The following PRG2 variants were observed in gnomAD, a reference collection of about 807,000 sequenced individuals.
The protein encoded by PRG2 is proteoglycan 2, pro eosinophil major basic protein, also known as bone marrow proteoglycan.
A neutral mutation model predicts 24.7 loss-of-function variants in PRG2; 23 were observed. That is an observed-to-expected ratio of 0.93 (90% CI 0.67 to 1.32). PRG2 has a LOEUF of 1.32. Among genes scored for constraint, PRG2 ranks in the 40% most tolerant of loss-of-function variants. The pLI is 0.00. For missense variants in PRG2, 271 were observed against 280.9 expected (o/e 0.96, Z 0.25); for synonymous variants, 104 against 99.8 (o/e 1.04, Z -0.25).
At chr11:57,390,046 G>T in intron 1 of PRG2, 90 bp from the exon 2 acceptor site, 1 of 1,120,612 alleles carries the variant, frequency 8.9e-7, no homozygotes, top group South Asian at 1.6e-5. Flanking sequence ...GTGGGAGTGA[G>T]GTGGAGAAAA....
chr11:57,386,903 G>A lies in PRG2; in HGVS notation c.*572C>T, dbSNP rs1390480727. 2.0e-5 allele frequency: 3 copies of A among 152,312 alleles called. No homozygotes were observed. The highest frequency in any genetic ancestry group is 7.2e-5 in the African/African-American group (3 of 41,442). The allele number at this position is 152,312 out of a possible 1,614,324, so 9.4% of individuals were successfully genotyped here. A position where few individuals can be genotyped will look rare whatever the true frequency, so the allele number is the denominator to read the frequency against. On this transcript the variant is annotated 3_prime_UTR_variant, in exon 6 of 6. Transcript: ENST00000311862. ...GCCAACTACCACAGCAGGCCACTGG[G>A]AAATGGTGCCCAATACATGTTAGAT...
At chr11:57,390,015 C>T (rs111932870) in intron 1 of PRG2, 59 bp from the exon 2 acceptor site, 183 of 1,385,338 alleles carry the variant, frequency 1.3e-4, no homozygotes, top group Non-Finnish European at 1.6e-4. Context: ...ACACACATCA[C>T]AATCACACCA....
chr11:57,387,481 G>T lies in PRG2; in HGVS notation c.663C>A (p.Ser221=). 6.2e-7 allele frequency: 1 copy of T among 1,613,958 alleles called. No individual in the cohort carries two copies. The highest frequency in any genetic ancestry group is 1.3e-5 in the African/African-American group (1 of 75,032). Residue 221 remains serine (S), a synonymous_variant, in exon 6 of 6, where the codon TCC becomes TCA. Coordinates refer to ENST00000311862, the MANE Select transcript of PRG2 (RefSeq NM_002728.6). The part of the protein sequence containing the change: ...HCLRRLPFIC[S]Y ...ACTGCTGGCTGGGACCAGCTCAGTA[G>T]GAACAGATGAAAGGAAGTCTTCTGA...
Position 57,387,756 on chromosome 11 carries a change from CG to C in PRG2, c.607del (p.Arg203GlufsTer89), listed in dbSNP as rs761719960. 1.9e-6 allele frequency: 3 copies of C among 1,572,112 alleles called. No individual in the cohort carries two copies. Among genetic ancestry groups the C allele is most frequent in the Non-Finnish European group, 2.6e-6 (3 of 1,159,182 alleles). On this transcript the variant is annotated frameshift_variant, in exon 5 of 6. Coordinates refer to ENST00000311862, the MANE Select transcript of PRG2 (RefSeq NM_002728.6). LOFTEE classifies it low-confidence loss of function (END_TRUNC). ...RGGHCVALCT[R>X]GGHWRRAHCL... is the part of the protein sequence containing the mutation. ...GTTCATCCCCAGCCCCACCTCACCT[CG>C]GGTACACAGGGCCACGCAGTGACCA...
At chr11:57,390,513 C>T in intron 1 of PRG2, 83 bp downstream of exon 1, 1 of 906,830 alleles carries the variant, frequency 1.1e-6, no homozygotes, top group Non-Finnish European at 1.3e-6. Context: ...CCTGCCAGCC[C>T]TCCAGAAACT....
Position 57,389,097 on chromosome 11 carries a change from C to G in PRG2, c.279G>C (p.Glu93Asp). ...GGATGCCCACCACTTTTACTGTGTCCTCTTCCTCAGGACACGTAAGGTTTT... is the reference window on the plus strand; with the variant it reads ...GGATGCCCACCACTTTTACTGTGTCGTCTTCCTCAGGACACGTAAGGTTTT... Reference protein sequence around the residue: ...VDKNLTCPEEEDTVKVVGIPG... With the variant: ...VDKNLTCPEEDDTVKVVGIPG... Residue 93 changes from glutamate to aspartate, a missense_variant, in exon 3 of 6, where the codon GAG becomes GAC. By Grantham distance (45) the Glu-to-Asp change is conservative. Coordinates refer to ENST00000311862, the MANE Select transcript of PRG2 (RefSeq NM_002728.6). 1 of 1,614,208 alleles carries G rather than the reference C, an allele frequency of 6.2e-7. No homozygotes were observed. Among genetic ancestry groups the G allele is most frequent in the South Asian group, 1.1e-5 (1 of 91,084 alleles).
Position 57,389,139 on chromosome 11 carries a change from C to G in PRG2, c.237G>C (p.Val79=). 1 of 1,614,198 alleles carries G rather than the reference C, an allele frequency of 6.2e-7. No individual in the cohort carries two copies. Among genetic ancestry groups the G allele is most frequent in the Non-Finnish European group, 8.5e-7 (1 of 1,180,038 alleles). ...TAAGGTTTTTGTCCACCATATCTGG[C>G]ACTGAGATAGACTCAACAGCCCCAT... ...KKDGAVESIS[V]PDMVDKNLTC... The change falls in exon 3 of 6, where the codon GTG becomes GTC. Residue 79 remains valine (V), a synonymous_variant. Coordinates refer to ENST00000311862, the MANE Select transcript of PRG2 (RefSeq NM_002728.6).
chr11:57,387,619 C>T (rs1404607294), intron 5 of PRG2, 86 bp from the exon 6 acceptor site: 1 of 1,433,086 alleles, frequency 7.0e-7, no homozygotes, highest in African/African-American at 1.4e-5. Flanking sequence ...CACCCACACA[C>T]TGCTGTGGAG....
At chr11:57,388,869 C>A in intron 3 of PRG2, 141 bp downstream of exon 3, 1 of 1,420,918 alleles carries the variant, frequency 7.0e-7, no homozygotes, top group South Asian at 1.4e-5. Context: ...TCCCCTCTTA[C>A]CCCAACACCT....
At position 57,387,425 on chromosome 11, in the gene PRG2, G is replaced by C; in HGVS notation, c.*50C>G. 1 of 1,511,690 alleles carries C rather than the reference G, an allele frequency of 6.6e-7. No individual in the cohort carries two copies. Among genetic ancestry groups the C allele is most frequent in the Non-Finnish European group, 9.1e-7 (1 of 1,102,388 alleles). The allele number at this position is 1,511,690 out of a possible 1,614,324, so 93.6% of individuals were successfully genotyped here. A position where few individuals can be genotyped will look rare whatever the true frequency, so the allele number is the denominator to read the frequency against. On this transcript the variant is annotated 3_prime_UTR_variant, in exon 6 of 6. Transcript: ENST00000311862. Reference sequence around the variant, plus strand: ...GGGAGGGATGGCAAGCAGAGGAGGGGAGGCAGCTGCCCAGGAGAGGGCAGC... The same window carrying C: ...GGGAGGGATGGCAAGCAGAGGAGGGCAGGCAGCTGCCCAGGAGAGGGCAGC...
In PRG2 at chr11:57,387,751, C is replaced by T; in HGVS notation, c.610+3G>A. 6.4e-7 allele frequency: 1 copy of T among 1,565,340 alleles called. No homozygotes were observed. The highest frequency in any genetic ancestry group is 8.7e-7 in the Non-Finnish European group (1 of 1,155,312). ...CCATCGTTCATCCCCAGCCCCACCT[C>T]ACCTCGGGTACACAGGGCCACGCAG... On this transcript the variant is annotated splice_donor_region_variant and intron_variant, in intron 5 of 5. Coordinates refer to ENST00000311862, the MANE Select transcript of PRG2 (RefSeq NM_002728.6).
In PRG2 at chr11:57,387,242, C is replaced by T; in HGVS notation, c.*233G>A. ...ACCCAACTCCACCCTCCATCCTCCT[C>T]CTCAAGGAGTAGTAGCTTCTGACAC... On this transcript the variant is annotated 3_prime_UTR_variant, in exon 6 of 6. Coordinates refer to ENST00000311862, the MANE Select transcript of PRG2 (RefSeq NM_002728.6). The T allele has an allele frequency of 2.1e-6, 1 of 485,074 alleles. No individual in the cohort carries two copies. The highest frequency in any genetic ancestry group is 3.6e-6 in the Non-Finnish European group (1 of 274,414). The allele number at this position is 485,074 out of a possible 1,614,324, so 30.0% of individuals were successfully genotyped here. A position where few individuals can be genotyped will look rare whatever the true frequency, so the allele number is the denominator to read the frequency against.
chr11:57,387,419 G>GGAGGGGAGGCAGCTGCCCAGGA lies in PRG2; in HGVS notation c.*34_*55dup. 6.8e-7 allele frequency: 1 copy of GGAGGGGAGGCAGCTGCCCAGGA among 1,477,674 alleles called. No individual in the cohort carries two copies. The allele number at this position is 1,477,674 out of a possible 1,614,324, so 91.5% of individuals were successfully genotyped here. A position where few individuals can be genotyped will look rare whatever the true frequency, so the allele number is the denominator to read the frequency against. On this transcript the variant is annotated 3_prime_UTR_variant, in exon 6 of 6. Coordinates refer to ENST00000311862, the MANE Select transcript of PRG2 (RefSeq NM_002728.6). ...GGTGGAGGGAGGGATGGCAAGCAGA[G>GGAGGGGAGGCAGCTGCCCAGGA]GAGGGGAGGCAGCTGCCCAGGAGAG...
chr11:57,388,876 A>G (rs925016161), intron 3 of PRG2, 134 bp downstream of exon 3: 36 of 1,422,074 alleles, frequency 2.5e-5, no homozygotes, highest in Non-Finnish European at 3.4e-5. Context: ...TTACCCCAAC[A>G]CCTCTCTGAG....
chr11:57,388,160 T>TTTTA (rs1554970119), intron 4 of PRG2, among the ~76,000 whole-genome samples: 1 of 151,784 alleles, frequency 6.6e-6, no homozygotes, highest in Non-Finnish European at 1.5e-5. Flanking sequence ...TTTAATTTTT[T>TTTTA]TTTTATTTTA....
At position 57,387,706 on chromosome 11, in the gene PRG2, T is replaced by G. The variant is rs759908713; in HGVS notation, c.610+48A>C. ...TTGTAGCATCTCCTCCTTGGGGCACTTCCCATCTCCCAGACCTTTCCATCG... is the reference window on the plus strand; with the variant it reads ...TTGTAGCATCTCCTCCTTGGGGCACGTCCCATCTCCCAGACCTTTCCATCG... On this transcript the variant is annotated intron_variant, in intron 5 of 5. Transcript: ENST00000311862. 2.0e-6 allele frequency: 3 copies of G among 1,474,198 alleles called. No individual in the cohort carries two copies. The East Asian group carries it at 7.2e-5, about 35-fold the overall frequency. 91.3% of individuals were successfully genotyped at this position (1,474,198 alleles called of 1,614,324 possible).
In PRG2 at chr11:57,389,956, C is replaced by T. The variant is rs184588945; in HGVS notation, c.-12G>A. 1.2e-6 allele frequency: 2 copies of T among 1,609,254 alleles called. No individual in the cohort carries two copies. The highest frequency in any genetic ancestry group is 1.7e-5 in the Admixed American group (1 of 59,780). On this transcript the variant is annotated splice_region_variant and 5_prime_UTR_variant, in exon 2 of 6. Coordinates refer to ENST00000311862, the MANE Select transcript of PRG2 (RefSeq NM_002728.6). ...AAGGGGAGTTTCATCTTGGCTTTAT[C>T]CTGCAACGGAGAACACAGTTTGTCA...
Position 57,388,714 on chromosome 11 carries a change from G to A in PRG2, c.367-6C>T. On this transcript the variant is annotated splice_polypyrimidine_tract_variant and splice_region_variant and intron_variant, in intron 3 of 5. Transcript: ENST00000311862. ...TAGCACCTCCGGCAAGTAAACTACA[G>A]GGCAGGATAAAAGACAAAGAATGGA... The A allele has an allele frequency of 6.2e-7, 1 of 1,613,752 alleles. No homozygotes were observed. The highest frequency in any genetic ancestry group is 8.5e-7 in the Non-Finnish European group (1 of 1,179,782).
At chr11:57,389,460 G>C (rs1374260702) in intron 2 of PRG2, 143 bp from the exon 3 acceptor site, 3 of 953,812 alleles carry the variant, frequency 3.1e-6, no homozygotes, top group Non-Finnish European at 4.6e-6. Context: ...GTCTCTATGA[G>C]GGGAACCCAA....
Sources: allele counts gnomAD v4.1 joint callset (sites outside exome capture counted in the v4.1 genomes callset), GRCh38; gene constraint gnomAD v4.1.1; transcripts MANE v1.5; gene names NCBI Gene and HGNC (gene_info 2026-07-23, HGNC 2026-07-21).